Variants in PCDH15 observed in about 807,000 individuals in gnomAD.
PCDH15 encodes the protein protocadherin related 15.
Under a neutral mutation model 178.5 loss-of-function variants are expected in PCDH15, and 129 were observed. The ratio of observed to expected loss-of-function variants is 0.72; its 90% CI spans 0.63 to 0.84. PCDH15 has a LOEUF of 0.84. Among genes scored for constraint, PCDH15 ranks in the 40% least tolerant of loss-of-function variants. The pLI, the probability that PCDH15 is intolerant of heterozygous loss-of-function variation, is 0.00. For synonymous variants in PCDH15, 800 were observed against 732.0 expected (o/e 1.09, Z -1.50); for missense variants, 2,230 against 2,099.9 (o/e 1.06, Z -1.21).
At chr10:55,053,355 C>T (rs1336650719) in intron 2 of PCDH15, among the ~76,000 whole-genome samples, 2 of 152,082 alleles carry the variant, frequency 1.3e-5, no homozygotes, top group Admixed American at 1.3e-4. Context: ...AACCCAGCAC[C>T]GACAGAAGCA....
intron 18 of PCDH15, 27 bp downstream of exon 18, chr10:54,066,730 T>A: frequency 6.2e-7 from 1 of 1,606,552 alleles, no homozygotes. Flanking sequence ...AAACTACATA[T>A]AAGATCTATA....
At chr10:53,901,462 C>T (rs1315613173) in intron 26 of PCDH15, among the ~76,000 whole-genome samples, 1 of 152,096 alleles carries the variant, frequency 6.6e-6, no homozygotes, top group Non-Finnish European at 1.5e-5. Context: ...CTATCAACGT[C>T]GTTCAAGCTA....
At chr10:54,472,664 C>G (rs992680878) in intron 3 of PCDH15, among the ~76,000 whole-genome samples, 1 of 152,002 alleles carries the variant, frequency 6.6e-6, no homozygotes. Context: ...AAAATAAAAA[C>G]GCATGGCAGT....
intron 2 of PCDH15, among the ~76,000 whole-genome samples, chr10:55,373,275 AATAC>A (rs1238896670): frequency 6.6e-6 from 1 of 152,188 alleles, no homozygotes; most frequent in Non-Finnish European, 1.5e-5. Flanking sequence ...CTTTATTAAA[AATAC>A]AGGAGTAGAA....
At chr10:54,574,864 G>A (rs1435804302) in intron 2 of PCDH15, among the ~76,000 whole-genome samples, 10 of 142,534 alleles carry the variant, frequency 7.0e-5, no homozygotes, top group South Asian at 2.3e-4. Context: ...TGTTTATTGC[G>A]GCATTATTCA....
chr10:54,523,763 G>T (rs958396366), intron 3 of PCDH15, among the ~76,000 whole-genome samples: 2 of 152,162 alleles, frequency 1.3e-5, no homozygotes, highest in African/African-American at 4.8e-5. Flanking sequence ...GTAGTGATCA[G>T]ATTTTCAGTG....
intron 25 of PCDH15, among the ~76,000 whole-genome samples, chr10:53,913,079 G>C (rs1479687406): frequency 6.6e-6 from 1 of 152,126 alleles, no homozygotes; most frequent in Non-Finnish European, 1.5e-5. Context: ...GCATGGTACT[G>C]GTACCAAAAC....
intron 2 of PCDH15, among the ~76,000 whole-genome samples, chr10:55,586,826 C>T (rs1842735315): frequency 6.6e-6 from 1 of 151,946 alleles, no homozygotes; most frequent in African/African-American, 2.4e-5. Flanking sequence ...AAAATTATAC[C>T]TCAATAATTA....
At chr10:53,837,469 T>G (rs2077373087) in intron 29 of PCDH15, among the ~76,000 whole-genome samples, 1 of 152,172 alleles carries the variant, frequency 6.6e-6, no homozygotes, top group Non-Finnish European at 1.5e-5. Flanking sequence ...TTTATGAGCT[T>G]TTTTATTTTT....
chr10:53,886,663 C>A (rs2081123395), intron 26 of PCDH15, among the ~76,000 whole-genome samples: 1 of 131,412 alleles, frequency 7.6e-6, no homozygotes, highest in Admixed American at 9.1e-5. Flanking sequence ...CATATCTTAG[C>A]TCTGAACCAG....
chr10:54,892,625 A>T (rs1451792713), intron 3 of PCDH15, among the ~76,000 whole-genome samples: 1 of 151,884 alleles, frequency 6.6e-6, no homozygotes, highest in Non-Finnish European at 1.5e-5. Flanking sequence ...CAATAATTAA[A>T]CAAACAACAT....
At chr10:53,956,213 A>G (rs1027762420) in intron 23 of PCDH15, among the ~76,000 whole-genome samples, 2 of 152,156 alleles carry the variant, frequency 1.3e-5, no homozygotes, top group African/African-American at 4.8e-5. Flanking sequence ...ACTTAGTTCC[A>G]TATTTTTTTG....
intron 2 of PCDH15, among the ~76,000 whole-genome samples, chr10:55,557,165 A>C (rs1198123402): frequency 6.6e-6 from 1 of 152,162 alleles, no homozygotes. Context: ...TTAGCACTAA[A>C]ATACAAACCT....
chr10:53,884,209 T>C (rs753119450), intron 26 of PCDH15, among the ~76,000 whole-genome samples: 47 of 152,130 alleles, frequency 3.1e-4, no homozygotes, highest in Non-Finnish European at 6.3e-4. Flanking sequence ...TAAATGCAGG[T>C]TGAGTTTTGT....
intron 1 of PCDH15, among the ~76,000 whole-genome samples, chr10:54,761,188 T>C (rs1265377996): frequency 6.6e-6 from 1 of 152,098 alleles, no homozygotes; most frequent in Non-Finnish European, 1.5e-5. Flanking sequence ...ACTCCTTGCC[T>C]TTCTGCCTGA....
chr10:54,817,869 TC>T (rs1952973741), intron 3 of PCDH15, among the ~76,000 whole-genome samples: 2 of 151,996 alleles, frequency 1.3e-5, no homozygotes, highest in African/African-American at 2.4e-5. Context: ...AATATTACAG[TC>T]CCCCTTATAT....
intron 2 of PCDH15, among the ~76,000 whole-genome samples, chr10:55,484,050 A>C (rs1487379124): frequency 6.6e-6 from 1 of 151,914 alleles, no homozygotes; most frequent in East Asian, 2.0e-4. Flanking sequence ...TAACACAGGA[A>C]CAGAAAACCA....
At chr10:54,725,137 T>C (rs1942292696) in intron 1 of PCDH15, among the ~76,000 whole-genome samples, 2 of 151,456 alleles carry the variant, frequency 1.3e-5, no homozygotes, top group Non-Finnish European at 3.0e-5. Context: ...ACACTGTGGG[T>C]TCATGAGCCA....
intron 2 of PCDH15, among the ~76,000 whole-genome samples, chr10:54,932,350 T>C (rs954473958): frequency 3.9e-5 from 6 of 152,216 alleles, no homozygotes. Context: ...AATTTTTATA[T>C]AAAATTTTTA....
Sources: gnomAD v4.1 joint callset for allele counts (sites outside exome capture counted in the v4.1 genomes callset) on GRCh38, gnomAD v4.1.1 for gene constraint, MANE v1.5 for transcripts, NCBI Gene and HGNC (gene_info 2026-07-23, HGNC 2026-07-21) for gene names.